Variants in QTMAN observed in about 807,000 individuals in gnomAD.
QTMAN encodes the protein queuosine-tRNA mannosyltransferase.
chr2:144,099,328 T>C, the QTMAN span, among the ~76,000 whole-genome samples: 1 of 152,178 alleles, frequency 6.6e-6, no homozygotes, highest in Admixed American at 6.5e-5. Flanking sequence ...AAGTACTGTT[T>C]TTCTTAAAGA....
the QTMAN span, among the ~76,000 whole-genome samples, chr2:144,279,664 T>A: frequency 6.6e-6 from 1 of 152,198 alleles, no homozygotes; most frequent in African/African-American, 2.4e-5. Flanking sequence ...GTTTCAATTA[T>A]CATCATCCTA....
chr2:144,027,810 G>C, the QTMAN span, among the ~76,000 whole-genome samples: 1 of 152,182 alleles, frequency 6.6e-6, no homozygotes, highest in African/African-American at 2.4e-5. Flanking sequence ...AAGTGATTAA[G>C]ATAGGGCTTT....
At chr2:144,116,513 A>G in the QTMAN span, among the ~76,000 whole-genome samples, 1 of 152,190 alleles carries the variant, frequency 6.6e-6, no homozygotes, top group Non-Finnish European at 1.5e-5. Context: ...ATTCACAGGC[A>G]ATAGATTACA....
chr2:144,177,557 C>T, the QTMAN span, among the ~76,000 whole-genome samples: 398 of 152,264 alleles, frequency 2.6e-3, 1 homozygote, highest in Non-Finnish European at 4.5e-3. Flanking sequence ...ATGAACAACT[C>T]AACTGAGTTG....
chr2:143,997,519 G>A, the QTMAN span, among the ~76,000 whole-genome samples: 1 of 152,054 alleles, frequency 6.6e-6, no homozygotes, highest in East Asian at 1.9e-4. Flanking sequence ...CTCCTTAGGT[G>A]AGGTATTAGC....
chr2:144,033,665 G>A, the QTMAN span, among the ~76,000 whole-genome samples: 2 of 152,144 alleles, frequency 1.3e-5, no homozygotes, highest in Non-Finnish European at 2.9e-5. Context: ...GTCAGAGTGT[G>A]GGTGGGGCCA....
the QTMAN span, chr2:144,141,785 T>G: frequency 3.5e-6 from 3 of 856,294 alleles, no homozygotes; most frequent in South Asian, 3.6e-5. Flanking sequence ...ACCATACTTA[T>G]GCTAAAAAGT....
At chr2:144,226,716 G>A in the QTMAN span, among the ~76,000 whole-genome samples, 21 of 152,228 alleles carry the variant, frequency 1.4e-4, no homozygotes, top group Admixed American at 6.5e-4. Flanking sequence ...AATGAAAAGA[G>A]AGGAATTTAT....
chr2:144,177,207 A>G, the QTMAN span: 1 of 702,292 alleles, frequency 1.4e-6, no homozygotes, highest in African/African-American at 1.7e-5. Flanking sequence ...CCAGACATGA[A>G]GAGTCAACAT....
the QTMAN span, among the ~76,000 whole-genome samples, chr2:143,952,275 T>A: frequency 2.6e-5 from 4 of 151,606 alleles, no homozygotes; most frequent in Admixed American, 6.6e-5. Context: ...TGTTTAGACA[T>A]CTCCTTTGGG....
the QTMAN span, among the ~76,000 whole-genome samples, chr2:144,003,391 A>G: frequency 1.3e-5 from 2 of 151,684 alleles, no homozygotes; most frequent in Non-Finnish European, 2.9e-5. Context: ...ATATTACAAC[A>G]TTTGTATAGT....
chr2:144,158,098 A>G, the QTMAN span, among the ~76,000 whole-genome samples: 2 of 152,026 alleles, frequency 1.3e-5, no homozygotes, highest in African/African-American at 4.8e-5. Context: ...AGGTTCCCAA[A>G]GTTAAAAACA....
chr2:143,961,316 G>A, the QTMAN span, among the ~76,000 whole-genome samples: 1 of 152,012 alleles, frequency 6.6e-6, no homozygotes, highest in Non-Finnish European at 1.5e-5. Context: ...TCTTTTACTG[G>A]GGAAATATTA....
chr2:144,103,059 C>T, the QTMAN span, among the ~76,000 whole-genome samples: 3 of 152,066 alleles, frequency 2.0e-5, no homozygotes, highest in East Asian at 1.9e-4. Context: ...GAAAACCAGT[C>T]GTTATAGGGG....
At chr2:144,177,949 A>C in the QTMAN span, among the ~76,000 whole-genome samples, 5 of 152,216 alleles carry the variant, frequency 3.3e-5, no homozygotes, top group Admixed American at 3.3e-4. Flanking sequence ...CAATTATAAT[A>C]CATCTAGTTC....
At chr2:144,078,113 A>G in the QTMAN span, among the ~76,000 whole-genome samples, 2 of 152,208 alleles carry the variant, frequency 1.3e-5, no homozygotes, top group Non-Finnish European at 2.9e-5. Context: ...ATAGCACTCT[A>G]AACAGCCTAC....
chr2:144,247,308 T>C, the QTMAN span, among the ~76,000 whole-genome samples: 1 of 152,232 alleles, frequency 6.6e-6, no homozygotes. Flanking sequence ...GGAAGAATTA[T>C]TAAGAGGGAC....
chr2:144,057,799 C>T, the QTMAN span, among the ~76,000 whole-genome samples: 1 of 152,118 alleles, frequency 6.6e-6, no homozygotes, highest in Non-Finnish European at 1.5e-5. Flanking sequence ...ACATTATCCA[C>T]GGACCATGGT....
the QTMAN span, among the ~76,000 whole-genome samples, chr2:144,018,694 GA>G: frequency 6.7e-6 from 1 of 149,900 alleles, no homozygotes; most frequent in African/African-American, 2.5e-5. Context: ...AACACTGAGT[GA>G]AAAAGGTTCA....
Sources: gnomAD v4.1 joint callset for allele counts (sites outside exome capture counted in the v4.1 genomes callset) on GRCh38, gnomAD v4.1.1 for gene constraint, MANE v1.5 for transcripts, NCBI Gene and HGNC (gene_info 2026-07-23, HGNC 2026-07-21) for gene names.